VPS13A: variants seen among roughly 807,000 people sequenced by gnomAD.
The protein encoded by VPS13A is vacuolar protein sorting 13 homolog A.
VPS13A carries 264 observed loss-of-function variants against 390.9 expected under a neutral mutation model. That is an observed-to-expected ratio of 0.68 (90% CI 0.61 to 0.75). The LOEUF is 0.75. Among genes scored for constraint, VPS13A ranks in the 30% least tolerant of loss-of-function variants. VPS13A has a pLI of 0.00. For missense variants in VPS13A, 3,409 were observed against 3,733.9 expected (o/e 0.91, Z 2.27); for synonymous variants, 1,231 against 1,227.1 (o/e 1.00, Z -0.07).
chr9:77,261,627 C>T (rs1015705187), intron 23 of VPS13A, among the ~76,000 whole-genome samples: 56 of 150,618 alleles, frequency 3.7e-4, no homozygotes, highest in East Asian at 1.4e-3. Flanking sequence ...CTCTTTTGCT[C>T]GGGCTGGAGT....
chr9:77,358,943 A>G (rs1831971538), intron 57 of VPS13A, among the ~76,000 whole-genome samples: 1 of 151,734 alleles, frequency 6.6e-6, no homozygotes, highest in African/African-American at 2.4e-5. Context: ...CCTCCACCCC[A>G]CACCACTTCT....
At chr9:77,207,213 T>TTATATATATATA (rs61703004) in intron 5 of VPS13A, among the ~76,000 whole-genome samples, 723 of 42,886 alleles carry the variant, frequency 0.017, 19 homozygotes, top group South Asian at 0.029. Flanking sequence ...TATTTAGATA[T>TTATATATATATA]TATATATATA....
At chr9:77,253,118 A>G (rs1432445012) in intron 22 of VPS13A, among the ~76,000 whole-genome samples, 3 of 152,150 alleles carry the variant, frequency 2.0e-5, no homozygotes, top group Non-Finnish European at 4.4e-5. Flanking sequence ...CAATTTCTTC[A>G]CTGCCTCTAC....
chr9:77,341,690 C>CTTT (rs1830821898), intron 50 of VPS13A, among the ~76,000 whole-genome samples: 5 of 23,560 alleles, frequency 2.1e-4, no homozygotes, highest in African/African-American at 7.6e-4. Context: ...GGACATCTTT[C>CTTT]CTTTTTTTTT....
chr9:77,325,477 AGTT>A lies in VPS13A; in HGVS notation c.5991+2258_5991+2260del, dbSNP rs150229807. ...GGATAATTAAACCACTTATATTTAAAGTTGTTGTTGATATGGTTGGGCTTAAAC... is the reference window on the plus strand; with the variant it reads ...GGATAATTAAACCACTTATATTTAAAGTTGTTGATATGGTTGGGCTTAAAC... On this transcript the variant is annotated intron_variant, in intron 45 of 71. Coordinates refer to ENST00000360280, the MANE Select transcript of VPS13A (RefSeq NM_033305.3). Among the ~76,000 whole-genome samples, 822 of 150,858 alleles carry A rather than the reference AGTT, an allele frequency of 5.4e-3. 3 individuals carry two copies. The highest frequency in any genetic ancestry group is 0.01 in the South Asian group (49 of 4,784).
At chr9:77,242,579 C>T (rs1265450812) in intron 19 of VPS13A, among the ~76,000 whole-genome samples, 1 of 151,838 alleles carries the variant, frequency 6.6e-6, no homozygotes, top group Non-Finnish European at 1.5e-5. Context: ...AATTCCATTC[C>T]TAGTTTACAT....
intron 68 of VPS13A, among the ~76,000 whole-genome samples, chr9:77,387,822 A>C (rs1361897375): frequency 6.6e-6 from 1 of 152,170 alleles, no homozygotes; most frequent in Non-Finnish European, 1.5e-5. Flanking sequence ...AGTTCATGTT[A>C]TTTAAGTGTA....
chr9:77,246,761 G>T (rs1824839656), intron 19 of VPS13A, among the ~76,000 whole-genome samples: 1 of 152,084 alleles, frequency 6.6e-6, no homozygotes, highest in African/African-American at 2.4e-5. Context: ...AGGACCTAGG[G>T]AATGGAAAAC....
intron 58 of VPS13A, 34 bp from the exon 59 acceptor site, chr9:77,360,500 TGA>T: frequency 6.8e-7 from 1 of 1,477,142 alleles, no homozygotes. Flanking sequence ...TGTTAATTGA[TGA>T]TTTTTAAAAA....
intron 57 of VPS13A, among the ~76,000 whole-genome samples, 159 bp downstream of exon 57, chr9:77,358,597 A>G (rs1032271941): frequency 1.3e-5 from 2 of 152,208 alleles, no homozygotes; most frequent in Non-Finnish European, 1.5e-5. Context: ...ACTATACACA[A>G]CTAACTTTGA....
intron 71 of VPS13A, among the ~76,000 whole-genome samples, chr9:77,412,433 G>C (rs1314025706): frequency 6.6e-6 from 1 of 152,182 alleles, no homozygotes; most frequent in Non-Finnish European, 1.5e-5. Context: ...TGCAAGGCTG[G>C]TTCAACATAT....
At chr9:77,240,478 GTTTTTTTTT>G (rs11351060) in intron 19 of VPS13A, among the ~76,000 whole-genome samples, 1 of 126,068 alleles carries the variant, frequency 7.9e-6, no homozygotes. Flanking sequence ...TTATGTTTTT[GTTTTTTTTT>G]TTTTTTTTTG....
intron 22 of VPS13A, among the ~76,000 whole-genome samples, chr9:77,257,055 C>G (rs563279107): frequency 2.6e-4 from 39 of 152,142 alleles, no homozygotes; most frequent in African/African-American, 9.2e-4. Context: ...GTATGTCTTA[C>G]AGCTTTTTTG....
intron 31 of VPS13A, among the ~76,000 whole-genome samples, chr9:77,290,694 T>A (rs565155380): frequency 6.6e-6 from 1 of 152,314 alleles, no homozygotes; most frequent in South Asian, 2.1e-4. Context: ...TCTACTGATT[T>A]TGTCCTTGGC....
At chr9:77,346,418 G>A (rs1294177325) in intron 52 of VPS13A, among the ~76,000 whole-genome samples, 2 of 152,068 alleles carry the variant, frequency 1.3e-5, no homozygotes, top group African/African-American at 4.8e-5. Flanking sequence ...TACAGATTCT[G>A]GATATTAGTC....
chr9:77,357,952 C>A (rs917270037), intron 56 of VPS13A, 114 bp downstream of exon 56: 5 of 345,858 alleles, frequency 1.4e-5, no homozygotes, highest in African/African-American at 3.7e-5. Flanking sequence ...TTGTGCTAGC[C>A]TTTTTTTTTT....
chr9:77,247,949 G>A (rs924684071), intron 20 of VPS13A, among the ~76,000 whole-genome samples: 10 of 150,922 alleles, frequency 6.6e-5, no homozygotes, highest in East Asian at 2.0e-4. Context: ...GTGAGCCACC[G>A]CGCCTGGCCC....
chr9:77,331,157 G>A (rs1489770751), intron 45 of VPS13A, among the ~76,000 whole-genome samples: 2 of 151,928 alleles, frequency 1.3e-5, no homozygotes, highest in African/African-American at 4.8e-5. Flanking sequence ...TGAAAGTGGT[G>A]TGGTGAACAT....
At chr9:77,249,536 TTA>T (rs1268779350) in intron 20 of VPS13A, among the ~76,000 whole-genome samples, 1 of 152,242 alleles carries the variant, frequency 6.6e-6, no homozygotes, top group Non-Finnish European at 1.5e-5. Context: ...ACATGTATTT[TTA>T]TGAGTAAGAT....
Sources: allele counts gnomAD v4.1 joint callset (sites outside exome capture counted in the v4.1 genomes callset), GRCh38; gene constraint gnomAD v4.1.1; transcripts MANE v1.5; gene names NCBI Gene and HGNC (gene_info 2026-07-23, HGNC 2026-07-21).